Variants in NOVA2 observed in about 807,000 individuals in gnomAD.
NOVA2 encodes the protein RNA-binding protein Nova-2.
In NOVA2, 9 loss-of-function variants were observed where a neutral mutation model predicts 22.5. The ratio of observed to expected loss-of-function variants is 0.40; its 90% CI spans 0.24 to 0.70. NOVA2 has a LOEUF of 0.70. NOVA2 is among the 30% of genes least tolerant of loss of function. The probability of loss-of-function intolerance (pLI) is 0.38; values close to 1 mark genes in which losing one functional copy is unlikely to be tolerated. For synonymous variants in NOVA2, 318 were observed against 335.2 expected, an observed-to-expected ratio of 0.95 and a Z score of 0.56; for missense variants, 383 against 682.8, an observed-to-expected ratio of 0.56 and a Z score of 4.89.
chr19:45,950,866 A>G (rs764157628), intron 3 of NOVA2, among the ~76,000 whole-genome samples: 1 of 152,218 alleles, frequency 6.6e-6, no homozygotes, highest in Non-Finnish European at 1.5e-5. Flanking sequence ...GATAGGTGTT[A>G]TTATTACCCC....
chr19:45,950,223 A>C (rs146959803), intron 3 of NOVA2, among the ~76,000 whole-genome samples: 200 of 147,480 alleles, frequency 1.4e-3, no homozygotes, highest in African/African-American at 4.9e-3. Flanking sequence ...CAGTGGCGCG[A>C]TCTCGGCTCA....
At chr19:45,970,477 G>C (rs1968219258) in intron 1 of NOVA2, among the ~76,000 whole-genome samples, 1 of 151,590 alleles carries the variant, frequency 6.6e-6, no homozygotes, top group Non-Finnish European at 1.5e-5. Flanking sequence ...CTGGATTCAA[G>C]CGATTCTCCT....
rs1967624950 is a variant in NOVA2 at position 45,933,915 on chromosome 19, A to C, written c.*5948T>G. Reference sequence around the variant, plus strand: ...GGGTGGGCGTGGCCCAGGCATGGCAATGTGGGGAGTGGGAGGAGACGGCAG... The same window carrying C: ...GGGTGGGCGTGGCCCAGGCATGGCACTGTGGGGAGTGGGAGGAGACGGCAG... On this transcript the variant is annotated 3_prime_UTR_variant, in exon 4 of 4. Coordinates refer to ENST00000263257, the MANE Select transcript of NOVA2 (RefSeq NM_002516.4). The C allele has an allele frequency of 6.6e-6, 1 of 152,040 alleles. No homozygotes were observed. The highest frequency in any genetic ancestry group is 6.6e-5 in the Admixed American group (1 of 15,210). The allele number at this position is 152,040 out of a possible 1,614,324, so 9.4% of individuals were successfully genotyped here.
chr19:45,942,953 A>AAGATGTGGACTGTCAGTGGGGAGGACCAT (rs1967781741), intron 3 of NOVA2, among the ~76,000 whole-genome samples: 1 of 151,774 alleles, frequency 6.6e-6, no homozygotes, highest in Non-Finnish European at 1.5e-5. Context: ...GGACTGGGGG[A>AAGATGTGGACTGTCAGTGGGGAGGACCAT]AGATGTGGAC....
chr19:45,946,347 G>A (rs997135049), intron 3 of NOVA2, among the ~76,000 whole-genome samples: 5 of 152,178 alleles, frequency 3.3e-5, no homozygotes, highest in Non-Finnish European at 7.4e-5. Context: ...AGAGACTAAT[G>A]AGGTGTAACA....
At chr19:45,943,354 A>G (rs114144856) in intron 3 of NOVA2, among the ~76,000 whole-genome samples, 1 of 150,874 alleles carries the variant, frequency 6.6e-6, no homozygotes, top group African/African-American at 2.4e-5. Context: ...CCGCACCCAG[A>G]CACTATATGA....
intron 3 of NOVA2, among the ~76,000 whole-genome samples, chr19:45,941,344 A>G (rs1447521898): frequency 1.3e-5 from 2 of 151,172 alleles, no homozygotes; most frequent in Non-Finnish European, 2.9e-5. Flanking sequence ...TTGTCTATCT[A>G]TATTAGTAGA....
intron 3 of NOVA2, among the ~76,000 whole-genome samples, chr19:45,950,557 T>C (rs150148474): frequency 6.6e-6 from 1 of 152,310 alleles, no homozygotes; most frequent in East Asian, 1.9e-4. Flanking sequence ...AGACCCTGAA[T>C]TGTAGAACTA....
At chr19:45,966,881 T>C (rs887562739) in intron 1 of NOVA2, among the ~76,000 whole-genome samples, 4 of 151,454 alleles carry the variant, frequency 2.6e-5, no homozygotes, top group African/African-American at 9.7e-5. Context: ...CCGTCTCAAA[T>C]AAAAAAAAAT....
Position 45,960,996 on chromosome 19 carries a change from G to A in NOVA2, c.229+14C>T, listed in dbSNP as rs1458542029. 1.9e-6 allele frequency: 3 copies of A among 1,568,526 alleles called. No individual in the cohort carries two copies. Reference sequence around the variant, plus strand: ...GGCGGGGGGCCTAGGGCAGAGACCTGGGCCGGGGCTCACCGGGGTAGAAGT... The same window carrying A: ...GGCGGGGGGCCTAGGGCAGAGACCTAGGCCGGGGCTCACCGGGGTAGAAGT... On this transcript the variant is annotated intron_variant, in intron 2 of 3. Coordinates refer to ENST00000263257, the MANE Select transcript of NOVA2 (RefSeq NM_002516.4).
At chr19:45,957,176 C>T (rs1276087135) in intron 2 of NOVA2, among the ~76,000 whole-genome samples, 2 of 151,972 alleles carry the variant, frequency 1.3e-5, no homozygotes, top group Admixed American at 1.3e-4. Flanking sequence ...TTTAGGAGGC[C>T]AAGGTGGATG....
At position 45,951,188 on chromosome 19, in the gene NOVA2, C is replaced by T. The variant is rs1187322255; in HGVS notation, c.396+2592G>A. ...TTTGACCTTCATAGTGTTTTAAAAG[C>T]AGAGTTGGCCTGGCGCAATGGCTCA... On this transcript the variant is annotated intron_variant, in intron 3 of 3. Transcript: ENST00000263257. Among the ~76,000 whole-genome samples, 3 of 152,266 alleles carry T rather than the reference C, an allele frequency of 2.0e-5. No homozygotes were observed. In the East Asian group the frequency reaches 5.8e-4, roughly 29 times the overall value.
At chr19:45,958,652 A>T (rs975410281) in intron 2 of NOVA2, among the ~76,000 whole-genome samples, 1 of 150,688 alleles carries the variant, frequency 6.6e-6, no homozygotes, top group Admixed American at 6.6e-5. Flanking sequence ...ACTGTGTGTG[A>T]GTGTGCATGT....
intron 1 of NOVA2, among the ~76,000 whole-genome samples, chr19:45,970,146 T>C (rs183570561): frequency 2.6e-3 from 398 of 152,298 alleles, no homozygotes; most frequent in Non-Finnish European, 4.2e-3. Flanking sequence ...CAGTTTTTCA[T>C]CTGTAACATG....
At chr19:45,941,955 T>C (rs1009720828) in intron 3 of NOVA2, among the ~76,000 whole-genome samples, 5 of 152,158 alleles carry the variant, frequency 3.3e-5, no homozygotes, top group Admixed American at 2.6e-4. Context: ...CCATGCCTTC[T>C]AGTGTTACGT....
intron 1 of NOVA2, among the ~76,000 whole-genome samples, chr19:45,972,462 T>C (rs1307040697): frequency 1.1e-4 from 16 of 151,916 alleles, no homozygotes; most frequent in African/African-American, 2.4e-5. Flanking sequence ...ACACACCTCC[T>C]TGCATGTCAC....
chr19:45,951,621 A>C (rs903283042), intron 3 of NOVA2, among the ~76,000 whole-genome samples: 33 of 66,704 alleles, frequency 4.9e-4, no homozygotes, highest in African/African-American at 3.6e-3. Flanking sequence ...TCCGTTTCAA[A>C]AAAAAAAAAA....
In NOVA2 at chr19:45,934,819, C is replaced by T. The variant is rs1181918373; in HGVS notation, c.*5044G>A. 1 of 151,130 alleles carries T rather than the reference C, an allele frequency of 6.6e-6. No individual in the cohort carries two copies. The highest frequency in any genetic ancestry group is 2.4e-5 in the African/African-American group (1 of 41,000). 9.4% of individuals were successfully genotyped at this position (151,130 alleles called of 1,614,324 possible). ...ATAGATATTTATAGAGGATGTCAAT[C>T]CCCAGGGTGGGGCAGACCCTAGGGG... On this transcript the variant is annotated 3_prime_UTR_variant, in exon 4 of 4. Transcript: ENST00000263257.
intron 2 of NOVA2, among the ~76,000 whole-genome samples, 153 bp downstream of exon 2, chr19:45,960,857 G>C (rs981041428): frequency 6.6e-6 from 1 of 152,158 alleles, no homozygotes; most frequent in Non-Finnish European, 1.5e-5. Flanking sequence ...TCGGGCTGGG[G>C]GCAGCTCTGT....
Sources: gnomAD v4.1 joint callset for allele counts (sites outside exome capture counted in the v4.1 genomes callset) on GRCh38, gnomAD v4.1.1 for gene constraint, MANE v1.5 for transcripts, NCBI Gene and HGNC (gene_info 2026-07-23, HGNC 2026-07-21) for gene names.